The following TFPI2 variants were observed in gnomAD, a reference collection of about 807,000 sequenced individuals.
TFPI2 encodes the protein placental protein 5.
A neutral mutation model predicts 23.1 loss-of-function variants in TFPI2; 23 were observed. The observed-to-expected ratio is 1.00, with a 90% confidence interval of 0.72 to 1.41. TFPI2 has a LOEUF of 1.41. Ranked by LOEUF, TFPI2 falls within the 40% of genes most tolerant of loss-of-function variation. The probability of loss-of-function intolerance (pLI) is 0.00; values close to 1 mark genes in which losing one functional copy is unlikely to be tolerated. For missense variants in TFPI2, 291 were observed against 299.6 expected, an observed-to-expected ratio of 0.97 and a Z score of 0.21; for synonymous variants, 119 against 111.7, an observed-to-expected ratio of 1.07 and a Z score of -0.41.
At chr7:93,890,342 G>A (rs763259606) in intron 1 of TFPI2, 23 bp from the exon 2 acceptor site, 2 of 1,589,326 alleles carry the variant, frequency 1.3e-6, no homozygotes, top group Admixed American at 1.7e-5. Flanking sequence ...CAGAAGGAGA[G>A]CAAAAGAGAG....
chr7:93,887,532 C>G (rs1480557466), intron 3 of TFPI2, 101 bp from the exon 4 acceptor site: 5 of 911,256 alleles, frequency 5.5e-6, no homozygotes, highest in Non-Finnish European at 8.3e-6. Flanking sequence ...CCCATAGAAG[C>G]CTCAGTCTGA....
chr7:93,887,052 C>A (rs1383688729), intron 4 of TFPI2, among the ~76,000 whole-genome samples, 156 bp from the exon 5 acceptor site: 1 of 152,022 alleles, frequency 6.6e-6, no homozygotes, highest in East Asian at 1.9e-4. Flanking sequence ...AATATTTTAC[C>A]TTTAAGATAT....
At chr7:93,890,534 G>A in intron 1 of TFPI2, 57 bp downstream of exon 1, 2 of 1,571,398 alleles carry the variant, frequency 1.3e-6, no homozygotes, top group Non-Finnish European at 1.7e-6. Flanking sequence ...GGGGCCCCAT[G>A]GCCCGCTGCG....
At position 93,885,929 on chromosome 7, in the gene TFPI2, A is replaced by G. The variant is rs550326859; in HGVS notation, c.*891T>C. On this transcript the variant is annotated 3_prime_UTR_variant, in exon 5 of 5. Coordinates refer to ENST00000222543, the MANE Select transcript of TFPI2 (RefSeq NM_006528.4). ...TTGTTTTATTACAGAGAAAGAAAAAACCTATTTCATTGGTATGACCATATT... is the reference window on the plus strand; with the variant it reads ...TTGTTTTATTACAGAGAAAGAAAAAGCCTATTTCATTGGTATGACCATATT... 7.0e-4 allele frequency: 106 copies of G among 152,142 alleles called. No homozygotes were observed. Among genetic ancestry groups the G allele is most frequent in the African/African-American group, 2.5e-3 (102 of 41,552 alleles). The allele number at this position is 152,142 out of a possible 1,614,324, so 9.4% of individuals were successfully genotyped here. A position where few individuals can be genotyped will look rare whatever the true frequency, so the allele number is the denominator to read the frequency against.
rs762047669 is a variant in TFPI2, at chr7:93,889,036, T to C, written c.459A>G (p.Lys153=). Residue 153 remains lysine, a splice_region_variant and synonymous_variant, in exon 3 of 5, where the codon AAA becomes AAG. Coordinates refer to ENST00000222543, the MANE Select transcript of TFPI2 (RefSeq NM_006528.4). ...AAATACCATAAAAATCGTATTTACT[T>C]TTCTTTGGTGCGCAGAAGCCCATAC... ...ATCMGFCAPK[K]IPSFCYSPKD... 1.3e-5 allele frequency: 20 copies of C among 1,588,816 alleles called. No individual in the cohort carries two copies. Among genetic ancestry groups the C allele is most frequent in the African/African-American group, 1.1e-4 (8 of 72,938 alleles).
Position 93,886,769 on chromosome 7 carries a change from C to A in TFPI2, c.*51G>T. ...TGTCATATTATTCTTCAGATACAAC[C>A]ATAAAGGCAAATAAGCCATAAAGAC... is the stretch of plus-strand genomic sequence containing the variant. On this transcript the variant is annotated 3_prime_UTR_variant, in exon 5 of 5. Transcript: ENST00000222543. 8.6e-7 allele frequency: 1 copy of A among 1,168,620 alleles called. No homozygotes were observed. Among genetic ancestry groups the A allele is most frequent in the African/African-American group, 1.6e-5 (1 of 61,968 alleles). The allele number at this position is 1,168,620 out of a possible 1,614,324, so 72.4% of individuals were successfully genotyped here.
intron 1 of TFPI2, 100 bp downstream of exon 1, chr7:93,890,491 C>T: frequency 6.8e-7 from 1 of 1,464,798 alleles, no homozygotes; most frequent in South Asian, 1.3e-5. Flanking sequence ...CGGCAGGGAC[C>T]TGGAGAAAGC....
chr7:93,889,700 G>A (rs1340927448), intron 2 of TFPI2, among the ~76,000 whole-genome samples: 1 of 152,136 alleles, frequency 6.6e-6, no homozygotes, highest in Non-Finnish European at 1.5e-5. Flanking sequence ...TATATAATGA[G>A]CTAAGTCACA....
Position 93,888,485 on chromosome 7 carries a change from C to T in TFPI2, c.460+550G>A, listed in dbSNP as rs1203089080. 2.2e-5 allele frequency among the ~76,000 whole-genome samples: 3 copies of T among 135,558 alleles called. No homozygotes were observed. In the Middle Eastern group the frequency reaches 0.012, roughly 530 times the overall value. 88.9% of individuals were successfully genotyped at this position (135,558 alleles called of 152,430 possible). On this transcript the variant is annotated intron_variant, in intron 3 of 4. Transcript: ENST00000222543. ...CATCCTGGCTTACACGGTGACACCC[C>T]GTCGAAAGAAAAAAGAAAGAAAGAA...
chr7:93,889,131 A>G lies in TFPI2; in HGVS notation c.364T>C (p.Cys122Arg). 1 of 1,613,494 alleles carries G rather than the reference A, an allele frequency of 6.2e-7. No homozygotes were observed. Among genetic ancestry groups the G allele is most frequent in the South Asian group, 1.1e-5 (1 of 90,898 alleles). ...KYFFNLSSMT[C>R]EKFFSGGCHR... ...CACCCACCGGAAAAGAATTTTTCAC[A>G]TGTCATGGAACTTAGATTAAAGAAA... The change falls in exon 3 of 5, where the codon TGT becomes CGT. Residue 122 changes from cysteine (C) to arginine (R), a missense_variant. Cys to Arg is a radical substitution (Grantham distance 180). Coordinates refer to ENST00000222543, the MANE Select transcript of TFPI2 (RefSeq NM_006528.4).
chr7:93,889,355 A>T, intron 2 of TFPI2, 132 bp from the exon 3 acceptor site: 1 of 747,480 alleles, frequency 1.3e-6, no homozygotes. Context: ...TACCCAGAAT[A>T]CTCCCATGAA....
At chr7:93,887,221 T>C in intron 4 of TFPI2, 40 bp downstream of exon 4, 2 of 1,544,970 alleles carry the variant, frequency 1.3e-6, no homozygotes, top group Non-Finnish European at 1.7e-6. Flanking sequence ...AAGTTATTTA[T>C]AAAGTTTATC....
rs758972187 is a variant in TFPI2 at position 93,887,411 on chromosome 7, G to C, written c.481C>G (p.Pro161Ala). ...GCAGAGCACAGTCCCTCATCTTTTG[G>C]ACTGTAGCAAAATGATGGAACTTTA... ...PKKIPSFCYS[P>A]KDEGLCSANV... Residue 161 changes from proline to alanine, a missense_variant, in exon 4 of 5, where the codon CCA (proline) becomes GCA (alanine). Transcript: ENST00000222543. 3.1e-6 allele frequency: 5 copies of C among 1,609,738 alleles called. No individual in the cohort carries two copies. Among genetic ancestry groups the C allele is most frequent in the Non-Finnish European group, 4.2e-6 (5 of 1,178,924 alleles).
At position 93,886,765 on chromosome 7, in the gene TFPI2, C is replaced by T. The variant is rs4264; in HGVS notation, c.*55G>A. 41,030 of 1,120,410 alleles carry T rather than the reference C, an allele frequency of 0.037. 1,754 individuals are homozygous for T. The highest frequency in any genetic ancestry group is 0.2 in the East Asian group (7,236 of 36,292). 69.4% of individuals were successfully genotyped at this position (1,120,410 alleles called of 1,614,324 possible). ...ATGCTGTCATATTATTCTTCAGATA[C>T]AACCATAAAGGCAAATAAGCCATAA... On this transcript the variant is annotated 3_prime_UTR_variant, in exon 5 of 5. Transcript: ENST00000222543.
At position 93,890,714 on chromosome 7, in the gene TFPI2, T is replaced by A. The variant is rs1324901990; in HGVS notation, c.-36A>T. 1.9e-6 allele frequency: 3 copies of A among 1,581,784 alleles called. No homozygotes were observed. Among genetic ancestry groups the A allele is most frequent in the Non-Finnish European group, 2.6e-6 (3 of 1,161,730 alleles). On this transcript the variant is annotated 5_prime_UTR_variant, in exon 1 of 5. Coordinates refer to ENST00000222543, the MANE Select transcript of TFPI2 (RefSeq NM_006528.4). ...GTCGGGCGGCCCGCTGGGCAAGGCG[T>A]CCGAGAAAGCGCCTGGCGGGAGGAG...
intron 4 of TFPI2, 66 bp from the exon 5 acceptor site, chr7:93,886,962 A>G (rs1443250798): frequency 5.9e-6 from 7 of 1,194,258 alleles, no homozygotes; most frequent in Admixed American, 2.7e-5. Flanking sequence ...ATAAATCACT[A>G]TTTCTGATAA....
Position 93,887,265 on chromosome 7 carries a change from TG to T in TFPI2, c.626del (p.Ala209GlufsTer4). 6.2e-7 allele frequency: 1 copy of T among 1,608,252 alleles called. No homozygotes were observed. Among genetic ancestry groups the T allele is most frequent in the Non-Finnish European group, 8.5e-7 (1 of 1,177,812 alleles). On this transcript the variant is annotated frameshift_variant, in exon 4 of 5. Coordinates refer to ENST00000222543, the MANE Select transcript of TFPI2 (RefSeq NM_006528.4). LOFTEE classifies it low-confidence loss of function (END_TRUNC). The part of the protein sequence containing the change: ...VSREDCKRAC[A>X]KALKKKKKMP... ...GAATAAGAAAACATTCACTACCTTT[TG>T]CACATGCACGTTTGCAATCCTCCCT...
intron 3 of TFPI2, among the ~76,000 whole-genome samples, chr7:93,888,488 C>T (rs1794038956): frequency 7.7e-6 from 1 of 129,324 alleles, no homozygotes; most frequent in African/African-American, 3.0e-5. Flanking sequence ...GACACCCCGT[C>T]GAAAGAAAAA....
At chr7:93,890,392 C>G in intron 1 of TFPI2, 73 bp from the exon 2 acceptor site, 1 of 1,524,518 alleles carries the variant, frequency 6.6e-7, no homozygotes, top group Non-Finnish European at 8.9e-7. Context: ...GAAAGAACAT[C>G]CCGGGGAGTT....
Sources: gnomAD v4.1 joint callset for allele counts (sites outside exome capture counted in the v4.1 genomes callset) on GRCh38, gnomAD v4.1.1 for gene constraint, MANE v1.5 for transcripts, NCBI Gene and HGNC (gene_info 2026-07-23, HGNC 2026-07-21) for gene names.